The following PRSS22 variants were observed in gnomAD, a reference collection of about 807,000 sequenced individuals.
PRSS22 encodes brain-specific serine protease 4.
PRSS22 carries 26 observed loss-of-function variants against 28.0 expected under a neutral mutation model. The ratio of observed to expected loss-of-function variants is 0.93; its 90% CI spans 0.68 to 1.29. The LOEUF is 1.29. Among genes scored for constraint, PRSS22 ranks in the 50% most tolerant of loss-of-function variants. The probability of loss-of-function intolerance (pLI) is 0.00; values close to 1 mark genes in which losing one functional copy is unlikely to be tolerated. For missense variants in PRSS22, 444 were observed against 422.1 expected, an observed-to-expected ratio of 1.05 and a Z score of -0.46; for synonymous variants, 217 against 177.9, an observed-to-expected ratio of 1.22 and a Z score of -1.75.
At position 2,853,481 on chromosome 16, in the gene PRSS22, A is replaced by T; in HGVS notation, c.718-152T>A. ...GGACCTGAGCTCCACCCAGGTGAGAAGTCCCCGGCGGCAGAGTAGGAGCTG... is the reference window on the plus strand; with the variant it reads ...GGACCTGAGCTCCACCCAGGTGAGATGTCCCCGGCGGCAGAGTAGGAGCTG... On this transcript the variant is annotated intron_variant, in intron 5 of 5. Transcript: ENST00000161006. The surrounding 1 kb of genome is among the most constrained non-coding windows in gnomAD (Gnocchi z 4.6). The T allele has an allele frequency of 1.5e-6, 1 of 686,458 alleles. No individual in the cohort carries two copies. Among genetic ancestry groups the T allele is most frequent in the South Asian group, 1.9e-5 (1 of 52,638 alleles). The allele number at this position is 686,458 out of a possible 1,614,324, so 42.5% of individuals were successfully genotyped here.
chr16:2,856,308 A>G (rs941694014), intron 2 of PRSS22, 55 bp from the exon 3 acceptor site: 7 of 1,579,224 alleles, frequency 4.4e-6, no homozygotes, highest in Non-Finnish European at 6.1e-6. Flanking sequence ...CCACCCCCGG[A>G]ATCCCAATCC....
In PRSS22 at chr16:2,853,879, G is replaced by T. The variant is rs760100029; in HGVS notation, c.703C>A (p.Arg235=). 3 of 1,613,972 alleles carry T rather than the reference G, an allele frequency of 1.9e-6. No homozygotes were observed. Among genetic ancestry groups the T allele is most frequent in the Admixed American group, 1.7e-5 (1 of 60,022 alleles). ...MLCAGYLEGE[R]DACLGDSGGP... Reference sequence around the variant, plus strand: ...AGGGAGCTCACCAGACAAGCATCCCGCTCCCCCTCCAAGTAGCCGGCACAC... The same window carrying T: ...AGGGAGCTCACCAGACAAGCATCCCTCTCCCCCTCCAAGTAGCCGGCACAC... The change falls in exon 5 of 6, where the codon CGG becomes AGG. Residue 235 remains arginine (R), a synonymous_variant. Transcript: ENST00000161006. This position sits in a 1 kb window ranked among gnomAD's most constrained non-coding sequence, Gnocchi z 4.6.
At position 2,855,717 on chromosome 16, in the gene PRSS22, C is replaced by T. The variant is rs751818835; in HGVS notation, c.416G>A (p.Cys139Tyr). ...GAGACGCACCAGGGCAATGTCTGCACAGGCACCTTCCTTCCAGGAATACAC... is the reference window on the plus strand; with the variant it reads ...GAGACGCACCAGGGCAATGTCTGCATAGGCACCTTCCTTCCAGGAATACAC... Reference protein sequence around the residue: ...HPVYSWKEGACADIALVRLER... With the variant: ...HPVYSWKEGAYADIALVRLER... The change falls in exon 4 of 6, where the codon TGT becomes TAT. Residue 139 changes from cysteine to tyrosine, a missense_variant. By Grantham distance (194) the Cys-to-Tyr change is radical (BLOSUM62 -2). Coordinates refer to ENST00000161006, the MANE Select transcript of PRSS22 (RefSeq NM_022119.4). 6.2e-7 allele frequency: 1 copy of T among 1,614,220 alleles called. No homozygotes were observed. Among genetic ancestry groups the T allele is most frequent in the South Asian group, 1.1e-5 (1 of 91,088 alleles).
chr16:2,853,389 C>G lies in PRSS22; in HGVS notation c.718-60G>C. On this transcript the variant is annotated intron_variant, in intron 5 of 5. Coordinates refer to ENST00000161006, the MANE Select transcript of PRSS22 (RefSeq NM_022119.4). The surrounding 1 kb of genome is among the most constrained non-coding windows in gnomAD (Gnocchi z 4.6). ...GCACAGGGGGTGGCAGAATCCAGGG[C>G]CCGTGCCCTGTCAGGGGGCAGATGA... 7.1e-7 allele frequency: 1 copy of G among 1,413,520 alleles called. No individual in the cohort carries two copies. Among genetic ancestry groups the G allele is most frequent in the Non-Finnish European group, 9.7e-7 (1 of 1,034,838 alleles). 87.6% of individuals were successfully genotyped at this position (1,413,520 alleles called of 1,614,324 possible). A position where few individuals can be genotyped will look rare whatever the true frequency, so the allele number is the denominator to read the frequency against.
chr16:2,856,847 G>T lies in PRSS22; in HGVS notation c.84C>A (p.Ala28=). 1 of 1,551,826 alleles carries T rather than the reference G, an allele frequency of 6.4e-7. No homozygotes were observed. The change falls in exon 2 of 6, where the codon GCC becomes GCA. Residue 28 remains alanine, a splice_region_variant and synonymous_variant. Coordinates refer to ENST00000161006, the MANE Select transcript of PRSS22 (RefSeq NM_022119.4). ...FTSLLLLAST[A]ILNAARIPVP... ...CAGGTATCCTGGCCGCATTGAGGATGGCTGAGGGCAAGAGAAGGAAACGGT... is the reference window on the plus strand; with the variant it reads ...CAGGTATCCTGGCCGCATTGAGGATTGCTGAGGGCAAGAGAAGGAAACGGT...
At chr16:2,854,711 C>T (rs896625567) in intron 4 of PRSS22, among the ~76,000 whole-genome samples, 1 of 152,226 alleles carries the variant, frequency 6.6e-6, no homozygotes, top group African/African-American at 2.4e-5. Flanking sequence ...TATCATCCAT[C>T]TGCCTGTCGA....
At position 2,853,953 on chromosome 16, in the gene PRSS22, T is replaced by C. The variant is rs772465829; in HGVS notation, c.629A>G (p.His210Arg). The C allele has an allele frequency of 6.2e-7, 1 of 1,614,210 alleles. No homozygotes were observed. The highest frequency in any genetic ancestry group is 1.7e-5 in the Admixed American group (1 of 60,024). ...VPIIDSEVCS[H>R]LYWRGAGQGP... is the part of the protein sequence containing the mutation. ...CTGTCCTGCTCCCCGCCAGTACAGATGGCTGCAGACTTCCGAGTCGATGAT... is the reference window on the plus strand; with the variant it reads ...CTGTCCTGCTCCCCGCCAGTACAGACGGCTGCAGACTTCCGAGTCGATGAT... The change falls in exon 5 of 6, where the codon CAT becomes CGT. Residue 210 changes from histidine (H) to arginine (R), a missense_variant. Coordinates refer to ENST00000161006, the MANE Select transcript of PRSS22 (RefSeq NM_022119.4). This position sits in a 1 kb window ranked among gnomAD's most constrained non-coding sequence, Gnocchi z 4.6.
Position 2,853,406 on chromosome 16 carries a change from G to T in PRSS22, c.718-77C>A. The T allele has an allele frequency of 8.2e-7, 1 of 1,222,428 alleles. No homozygotes were observed. The highest frequency in any genetic ancestry group is 1.1e-6 in the Non-Finnish European group (1 of 873,314). The allele number at this position is 1,222,428 out of a possible 1,614,324, so 75.7% of individuals were successfully genotyped here. A position where few individuals can be genotyped will look rare whatever the true frequency, so the allele number is the denominator to read the frequency against. On this transcript the variant is annotated intron_variant, in intron 5 of 5. Coordinates refer to ENST00000161006, the MANE Select transcript of PRSS22 (RefSeq NM_022119.4). This position sits in a 1 kb window ranked among gnomAD's most constrained non-coding sequence, Gnocchi z 4.6. ...ATCCAGGGCCCGTGCCCTGTCAGGGGGCAGATGAGCCCCTTCCCGGGAGCC... is the reference window on the plus strand; with the variant it reads ...ATCCAGGGCCCGTGCCCTGTCAGGGTGCAGATGAGCCCCTTCCCGGGAGCC...
At chr16:2,855,930 G>A (rs1313349935) in intron 3 of PRSS22, 79 bp from the exon 4 acceptor site, 1 of 1,527,630 alleles carries the variant, frequency 6.5e-7, no homozygotes, top group Non-Finnish European at 8.8e-7. Context: ...GGGTGTGAAG[G>A]CCCCTGAAGG....
In PRSS22 at chr16:2,853,853, G is replaced by A. The variant is rs746997160; in HGVS notation, c.717+12C>T. 6.2e-7 allele frequency: 1 copy of A among 1,613,318 alleles called. No homozygotes were observed. ...CCTCCTGGCCAGGGGTGGGGGGCTC[G>A]AGGGAGCTCACCAGACAAGCATCCC... On this transcript the variant is annotated intron_variant, in intron 5 of 5. Transcript: ENST00000161006. This position sits in a 1 kb window ranked among gnomAD's most constrained non-coding sequence, Gnocchi z 4.6.
Position 2,853,407 on chromosome 16 carries a change from G to T in PRSS22, c.718-78C>A. On this transcript the variant is annotated intron_variant, in intron 5 of 5. Coordinates refer to ENST00000161006, the MANE Select transcript of PRSS22 (RefSeq NM_022119.4). This position sits in a 1 kb window ranked among gnomAD's most constrained non-coding sequence, Gnocchi z 4.6. ...TCCAGGGCCCGTGCCCTGTCAGGGG[G>T]CAGATGAGCCCCTTCCCGGGAGCCC... 1 of 1,216,328 alleles carries T rather than the reference G, an allele frequency of 8.2e-7. No homozygotes were observed. Among genetic ancestry groups the T allele is most frequent in the Non-Finnish European group, 1.2e-6 (1 of 868,062 alleles). The allele number at this position is 1,216,328 out of a possible 1,614,324, so 75.3% of individuals were successfully genotyped here. A position where few individuals can be genotyped will look rare whatever the true frequency, so the allele number is the denominator to read the frequency against.
chr16:2,857,353 G>GGGGGTCCCAGCGCCCAGTGAGGA lies in PRSS22; in HGVS notation c.83-528_83-506dup, dbSNP rs1199250541. On this transcript the variant is annotated intron_variant, in intron 1 of 5. Coordinates refer to ENST00000161006, the MANE Select transcript of PRSS22 (RefSeq NM_022119.4). ...AGGGGGTCCCAGCGCTCAGTGAGGA[G>GGGGGTCCCAGCGCCCAGTGAGGA]GGGGTCCCAGCGCCCAGTGAGGAGG... Among the ~76,000 whole-genome samples the GGGGGTCCCAGCGCCCAGTGAGGA allele has an allele frequency of 2.7e-5, 4 of 145,872 alleles. No homozygotes were observed. The South Asian group carries it at 9.2e-4, about 33-fold the overall frequency.
chr16:2,853,436 T>A lies in PRSS22; in HGVS notation c.718-107A>T. On this transcript the variant is annotated intron_variant, in intron 5 of 5. Transcript: ENST00000161006. This position sits in a 1 kb window ranked among gnomAD's most constrained non-coding sequence, Gnocchi z 4.6. ...ATGAGCCCCTTCCCGGGAGCCCGTT[T>A]CTCCTTCCTGGAGGAGACAGGACCT... 1.1e-6 allele frequency: 1 copy of A among 919,348 alleles called. No homozygotes were observed. Among genetic ancestry groups the A allele is most frequent in the Non-Finnish European group, 1.6e-6 (1 of 618,670 alleles). The allele number at this position is 919,348 out of a possible 1,614,324, so 56.9% of individuals were successfully genotyped here.
chr16:2,857,721 C>G (rs1294089339), intron 1 of PRSS22: 1 of 281,578 alleles, frequency 3.6e-6, no homozygotes, highest in East Asian at 5.6e-5. Context: ...AACGGTGCTT[C>G]CCCAGAGGCA....
intron 3 of PRSS22, 69 bp downstream of exon 3, chr16:2,856,013 G>C: frequency 6.4e-7 from 1 of 1,565,796 alleles, no homozygotes; most frequent in Non-Finnish European, 8.7e-7. Flanking sequence ...CCTGTAAAGG[G>C]AGCCCAGGGC....
Position 2,853,931 on chromosome 16 carries a change from T to A in PRSS22, c.651A>T (p.Gly217=). The change falls in exon 5 of 6, where the codon GGA becomes GGT. Residue 217 remains glycine, a synonymous_variant. Coordinates refer to ENST00000161006, the MANE Select transcript of PRSS22 (RefSeq NM_022119.4). The surrounding 1 kb of genome is among the most constrained non-coding windows in gnomAD (Gnocchi z 4.6). The part of the protein sequence containing the change: ...VCSHLYWRGA[G]QGPITEDMLC... ...GCATGTCCTCAGTGATGGGTCCCTGTCCTGCTCCCCGCCAGTACAGATGGC... is the reference window on the plus strand; with the variant it reads ...GCATGTCCTCAGTGATGGGTCCCTGACCTGCTCCCCGCCAGTACAGATGGC... The A allele has an allele frequency of 6.2e-7, 1 of 1,614,190 alleles. No homozygotes were observed. Among genetic ancestry groups the A allele is most frequent in the Non-Finnish European group, 8.5e-7 (1 of 1,180,020 alleles).
At chr16:2,856,029 G>A (rs1302269806) in intron 3 of PRSS22, 53 bp downstream of exon 3, 15 of 1,586,294 alleles carry the variant, frequency 9.5e-6, no homozygotes, top group African/African-American at 2.7e-5. Flanking sequence ...AGGGCCTGGG[G>A]CACAAAGCCC....
At chr16:2,854,090 TC>T in intron 4 of PRSS22, 68 bp from the exon 5 acceptor site, 1 of 1,562,150 alleles carries the variant, frequency 6.4e-7, no homozygotes, top group South Asian at 1.1e-5. Flanking sequence ...AAAGGACTAT[TC>T]CCCCCCAACA....
chr16:2,857,556 G>A, intron 1 of PRSS22: 1 of 168,696 alleles, frequency 5.9e-6, no homozygotes, highest in Non-Finnish European at 1.3e-5. Flanking sequence ...TGGCTGCACA[G>A]CTGTGACCCT....
Sources: allele counts gnomAD v4.1 joint callset (sites outside exome capture counted in the v4.1 genomes callset), GRCh38; gene constraint gnomAD v4.1.1; non-coding constraint Gnocchi (gnomAD v3.1); transcripts MANE v1.5; gene names NCBI Gene and HGNC (gene_info 2026-07-23, HGNC 2026-07-21).